Variants in ARHGEF12 observed in about 807,000 individuals in gnomAD.
ARHGEF12 encodes the protein Rho guanine nucleotide exchange factor 12.
A neutral mutation model predicts 211.2 loss-of-function variants in ARHGEF12; 66 were observed. The observed-to-expected ratio is 0.31, with a 90% CI of 0.26 to 0.38. The LOEUF (loss-of-function observed/expected upper bound fraction) is 0.38. Ranked by LOEUF, ARHGEF12 falls within the 10% of genes least tolerant of loss-of-function variation. The pLI, the probability that ARHGEF12 is intolerant of heterozygous loss-of-function variation, is 1.00. For synonymous variants in ARHGEF12, 592 were observed against 638.4 expected (o/e 0.93, Z 1.09); for missense variants, 1,429 against 1,869.5 (o/e 0.76, Z 4.34).
intron 1 of ARHGEF12, among the ~76,000 whole-genome samples, chr11:120,388,005 G>A (rs970951565): frequency 6.6e-6 from 1 of 152,132 alleles, no homozygotes; most frequent in African/African-American, 2.4e-5. Context: ...GTATATACAC[G>A]ATTAGGAAAC....
Position 120,429,370 on chromosome 11 carries a change from T to C in ARHGEF12, c.586-70T>C, listed in dbSNP as rs1265334785. ...GAGGCAGAACTTTGTATGCCACATTTTCTCTATTTATTTTAGCTTCATTTT... is the reference window on the plus strand; with the variant it reads ...GAGGCAGAACTTTGTATGCCACATTCTCTCTATTTATTTTAGCTTCATTTT... On this transcript the variant is annotated intron_variant, in intron 8 of 40. Coordinates refer to ENST00000397843, the MANE Select transcript of ARHGEF12 (RefSeq NM_015313.3). 3.8e-6 allele frequency: 5 copies of C among 1,314,106 alleles called. No homozygotes were observed. In the Admixed American group the frequency reaches 6.1e-5, roughly 16 times the overall value. 81.4% of individuals were successfully genotyped at this position (1,314,106 alleles called of 1,614,324 possible).
In ARHGEF12 at chr11:120,479,593, A is replaced by G. The variant is rs533491256; in HGVS notation, c.3767-367A>G. ...CTGTCTAGCTTAACACAGCCTTTCAACATTCTTAAGAAGTACCTTTAGGGT... is the reference window on the plus strand; with the variant it reads ...CTGTCTAGCTTAACACAGCCTTTCAGCATTCTTAAGAAGTACCTTTAGGGT... On this transcript the variant is annotated intron_variant, in intron 37 of 40. Transcript: ENST00000397843. 3.3e-5 allele frequency among the ~76,000 whole-genome samples: 5 copies of G among 152,326 alleles called. No individual in the cohort carries two copies. In the East Asian group the frequency reaches 7.7e-4, roughly 23 times the overall value.
intron 29 of ARHGEF12, among the ~76,000 whole-genome samples, chr11:120,468,813 A>G (rs1946783965): frequency 6.6e-6 from 1 of 152,224 alleles, no homozygotes; most frequent in African/African-American, 2.4e-5. Context: ...TTCTTTAAAT[A>G]TAATCTCAAA....
intron 18 of ARHGEF12, chr11:120,447,368 C>T: frequency 6.5e-6 from 2 of 308,874 alleles, no homozygotes; most frequent in Non-Finnish European, 1.2e-5. Context: ...ATTTATAGGC[C>T]TTGGAAATAT....
rs1947405208 is a variant in ARHGEF12 at position 120,486,638 on chromosome 11, C to T, written c.*1561C>T. The T allele has an allele frequency of 4.5e-6, 1 of 224,144 alleles. No homozygotes were observed. Among genetic ancestry groups the T allele is most frequent in the Non-Finnish European group, 8.9e-6 (1 of 112,394 alleles). 13.9% of individuals were successfully genotyped at this position (224,144 alleles called of 1,614,324 possible). ...ATAAACAAGGAGTTCATCCGTTGCT[C>T]ACATCTTTCATTGGTGCCCTCTGAA... is the stretch of plus-strand genomic sequence containing the variant. On this transcript the variant is annotated 3_prime_UTR_variant, in exon 41 of 41. Transcript: ENST00000397843.
intron 11 of ARHGEF12, among the ~76,000 whole-genome samples, chr11:120,433,994 A>G (rs1945623618): frequency 6.6e-6 from 1 of 152,156 alleles, no homozygotes; most frequent in Non-Finnish European, 1.5e-5. Flanking sequence ...ATTGTTTAGT[A>G]TAGAAATAGG....
At chr11:120,351,445 ATATATATATATTTTTTTTTTTT>A (rs1565420820) in intron 1 of ARHGEF12, among the ~76,000 whole-genome samples, 1 of 4,010 alleles carries the variant, frequency 2.5e-4, no homozygotes, top group African/African-American at 1.6e-3. Context: ...ATATATATAT[ATATATATATATTTTTTTTTTTT>A]TTTTTTTTTT....
chr11:120,476,302 G>T, intron 33 of ARHGEF12: 1 of 165,340 alleles, frequency 6.0e-6, no homozygotes, highest in East Asian at 1.7e-4. Context: ...GAACTCCTGA[G>T]CTCCAAGCGG....
intron 1 of ARHGEF12, among the ~76,000 whole-genome samples, chr11:120,375,817 C>T (rs115768544): frequency 0.012 from 1,871 of 152,152 alleles, 34 homozygotes; most frequent in African/African-American, 0.043. Context: ...TTGTCATGTT[C>T]CTTAGCCTCC....
At chr11:120,446,536 T>C (rs1467731771) in intron 17 of ARHGEF12, 28 bp downstream of exon 17, 8 of 1,530,286 alleles carry the variant, frequency 5.2e-6, no homozygotes, top group Non-Finnish European at 7.1e-6. Context: ...TAGAATTTCA[T>C]ATGATTATTC....
rs546350004 is a variant in ARHGEF12, at chr11:120,398,360, A to G, written c.33-7758A>G. On this transcript the variant is annotated intron_variant, in intron 1 of 40. Transcript: ENST00000397843. ...TAAAACACTCATCCTCCAACCTTTC[A>G]AATTCAGTGCTGTGGTGAGCCATTG... Among the ~76,000 whole-genome samples the G allele has an allele frequency of 2.6e-5, 4 of 152,288 alleles. No homozygotes were observed. In the South Asian group the frequency reaches 8.3e-4, roughly 32 times the overall value.
At chr11:120,379,127 A>G (rs1031850162) in intron 1 of ARHGEF12, among the ~76,000 whole-genome samples, 3 of 152,182 alleles carry the variant, frequency 2.0e-5, no homozygotes, top group Non-Finnish European at 4.4e-5. Flanking sequence ...TAATTTCTCT[A>G]TAAACATTAC....
chr11:120,344,296 T>TAAAAAAA (rs1942635799), intron 1 of ARHGEF12, among the ~76,000 whole-genome samples: 1 of 121,646 alleles, frequency 8.2e-6, no homozygotes, highest in African/African-American at 3.3e-5. Context: ...AAAAAAAAAC[T>TAAAAAAA]GGAGACTTCA....
chr11:120,368,256 C>T (rs1311576393), intron 1 of ARHGEF12, among the ~76,000 whole-genome samples: 1 of 152,126 alleles, frequency 6.6e-6, no homozygotes, highest in East Asian at 1.9e-4. Context: ...TGACTACTGA[C>T]TAAAATCCTT....
Position 120,424,311 on chromosome 11 carries a change from G to A in ARHGEF12, c.349-47G>A, listed in dbSNP as rs777410002. On this transcript the variant is annotated intron_variant, in intron 6 of 40. Transcript: ENST00000397843. ...AATTCTTGAAGTCATTTTATCCATT[G>A]TCTCAATAGAATGTATCTGACATAC... is the stretch of plus-strand genomic sequence containing the variant. 2.9e-6 allele frequency: 4 copies of A among 1,363,880 alleles called. No individual in the cohort carries two copies. In the South Asian group the frequency reaches 4.9e-5, roughly 17 times the overall value. The allele number at this position is 1,363,880 out of a possible 1,614,324, so 84.5% of individuals were successfully genotyped here. A position where few individuals can be genotyped will look rare whatever the true frequency, so the allele number is the denominator to read the frequency against.
rs1942375034 is a variant in ARHGEF12, at chr11:120,337,171, A to G, written c.-73A>G. On this transcript the variant is annotated 5_prime_UTR_variant, in exon 1 of 41. Transcript: ENST00000397843. The stretch of plus-strand genomic sequence containing the variant: ...ACGGAGTTGGGCCTGATCCCAGAGC[A>G]CTGGGGGTGGGGAGGAGGTGTTACT... The G allele has an allele frequency of 6.4e-7, 1 of 1,574,250 alleles. No homozygotes were observed. The highest frequency in any genetic ancestry group is 8.7e-7 in the Non-Finnish European group (1 of 1,143,864).
intron 10 of ARHGEF12, among the ~76,000 whole-genome samples, chr11:120,430,759 T>C (rs976850642): frequency 6.6e-6 from 1 of 152,214 alleles, no homozygotes; most frequent in Non-Finnish European, 1.5e-5. Context: ...AAAAAAATTA[T>C]GTTATAATTG....
chr11:120,446,687 C>G (rs1174216103), intron 17 of ARHGEF12, among the ~76,000 whole-genome samples, 179 bp downstream of exon 17: 8 of 152,142 alleles, frequency 5.3e-5, no homozygotes, highest in Non-Finnish European at 4.4e-5. Flanking sequence ...AGTCCAGACT[C>G]TCCATTCCAG....
At chr11:120,472,531 A>G (rs1045651326) in intron 30 of ARHGEF12, among the ~76,000 whole-genome samples, 8 of 152,208 alleles carry the variant, frequency 5.3e-5, no homozygotes, top group African/African-American at 1.9e-4. Context: ...ATGACTTTGA[A>G]AAGAAGATTG....
Sources: allele counts gnomAD v4.1 joint callset (sites outside exome capture counted in the v4.1 genomes callset), GRCh38; gene constraint gnomAD v4.1.1; transcripts MANE v1.5; gene names NCBI Gene and HGNC (gene_info 2026-07-23, HGNC 2026-07-21).